UTY: variants seen among roughly 807,000 people sequenced by gnomAD.
UTY encodes the protein ubiquitously transcribed tetratricopeptide repeat containing, Y-linked.
Under a neutral mutation model 32.5 loss-of-function variants are expected in UTY, and 12 were observed. The ratio of observed to expected loss-of-function variants is 0.37; its 90% CI spans 0.24 to 0.60. The LOEUF (loss-of-function observed/expected upper bound fraction) is 0.60, where lower values mean the gene tolerates loss of function less well. Ranked by LOEUF, UTY falls within the 20% of genes least tolerant of loss-of-function variation. UTY has a pLI of 0.69. For missense variants in UTY, 303 were observed against 299.2 expected, an observed-to-expected ratio of 1.01 and a Z score of -0.09; for synonymous variants, 131 against 103.4, an observed-to-expected ratio of 1.27 and a Z score of -1.62.
intron 17 of UTY, among the ~76,000 whole-genome samples, chrY:13,342,850 G>T: frequency 3.0e-5 from 1 of 33,759 alleles, no homozygotes; most frequent in Non-Finnish European, 7.4e-5. Context: ...GGACGTGGGC[G>T]AAAAGAGACT....
intron 27 of UTY, among the ~76,000 whole-genome samples, chrY:13,290,012 AC>A (rs2057668914): frequency 3.1e-5 from 1 of 32,707 alleles, no homozygotes; most frequent in Non-Finnish European, 7.5e-5. Context: ...AATAAAAAAA[AC>A]AATAGCTGAC....
intron 2 of UTY, among the ~76,000 whole-genome samples, chrY:13,474,384 A>G: frequency 3.0e-5 from 1 of 33,780 alleles, no homozygotes. Flanking sequence ...AAAAAATCCA[A>G]TGAAACACAA....
At chrY:13,320,712 A>T (rs2059765262) in intron 21 of UTY, among the ~76,000 whole-genome samples, 1 of 34,035 alleles carries the variant, frequency 2.9e-5, no homozygotes, top group East Asian at 7.5e-4. Context: ...ATTTGAAAGT[A>T]TTCTTAACAA....
At chrY:13,403,684 G>C (rs2069418301) in intron 6 of UTY, among the ~76,000 whole-genome samples, 1 of 33,151 alleles carries the variant, frequency 3.0e-5, no homozygotes, top group Admixed American at 2.8e-4. Context: ...ATTGACCTCA[G>C]AAAACAACAA....
At chrY:13,393,959 G>A in intron 7 of UTY, 66 bp from the exon 8 acceptor site, 1 of 241,376 alleles carries the variant, frequency 4.1e-6, no homozygotes, top group African/African-American at 7.8e-5. Context: ...ACAAAAAGTA[G>A]GGATAATATA....
intron 4 of UTY, among the ~76,000 whole-genome samples, chrY:13,426,610 G>C: frequency 3.0e-5 from 1 of 33,231 alleles, no homozygotes; most frequent in South Asian, 6.5e-4. Context: ...GCATTCAATA[G>C]AGCCCCAATA....
intron 4 of UTY, among the ~76,000 whole-genome samples, chrY:13,422,962 G>A: frequency 3.0e-5 from 1 of 33,799 alleles, no homozygotes; most frequent in Non-Finnish European, 7.4e-5. Flanking sequence ...ATAGAGAGCA[G>A]TGAATTAAAG....
chrY:13,264,555 G>A, intron 27 of UTY, among the ~76,000 whole-genome samples: 1 of 32,984 alleles, frequency 3.0e-5, no homozygotes, highest in African/African-American at 1.2e-4. Context: ...ATGTCTGTTG[G>A]CCACATATCT....
chrY:13,299,091 T>C lies in UTY; in HGVS notation c.3734A>G (p.Tyr1245Cys). 2.5e-6 allele frequency: 1 copy of C among 393,116 alleles called. No homozygotes were observed. The highest frequency in any genetic ancestry group is 3.6e-6 in the Non-Finnish European group (1 of 280,589). ...SSWWPNLEDL[Y>C]EANVPVYRFI... is the part of the protein sequence containing the mutation. ...TCTATACACAGGGACATTTGCTTCATAAAGATCTTCAAGGTTGGGCCACCA... is the reference window on the plus strand; with the variant it reads ...TCTATACACAGGGACATTTGCTTCACAAAGATCTTCAAGGTTGGGCCACCA... Residue 1245 changes from tyrosine to cysteine, a missense_variant, in exon 26 of 30, where the codon TAT becomes TGT. Tyr to Cys is a radical substitution (Grantham distance 194). Transcript: ENST00000545955.
chrY:13,306,857 T>G lies in UTY; in HGVS notation c.3277-607A>C. 2.1e-4 allele frequency among the ~76,000 whole-genome samples: 7 copies of G among 32,660 alleles called. No homozygotes were observed. The East Asian group carries it at 5.5e-3, about 26-fold the overall frequency. 87.6% of individuals were successfully genotyped at this position (32,660 alleles called of 37,273 possible). On this transcript the variant is annotated intron_variant, in intron 21 of 29. Transcript: ENST00000545955. ...GCCTCAGCCTCCCTCCAATTCTCTTTTGTAATAAAGAAAAAGCGTTGTTTT... is the reference window on the plus strand; with the variant it reads ...GCCTCAGCCTCCCTCCAATTCTCTTGTGTAATAAAGAAAAAGCGTTGTTTT...
At chrY:13,252,820 C>T (rs2054335962) in intron 28 of UTY, among the ~76,000 whole-genome samples, 1 of 34,298 alleles carries the variant, frequency 2.9e-5, no homozygotes, top group Non-Finnish European at 7.3e-5. Flanking sequence ...CTTGATTTCC[C>T]ATAAGGGATA....
chrY:13,366,077 TGGCCTCGATC>T (rs2064114534), intron 10 of UTY, among the ~76,000 whole-genome samples, 180 bp downstream of exon 10: 2 of 33,493 alleles, frequency 6.0e-5, no homozygotes, highest in Admixed American at 5.5e-4. Flanking sequence ...TTAGCCAGGA[TGGCCTCGATC>T]TCCTGACCTT....
At chrY:13,290,941 T>C (rs2057732017) in intron 27 of UTY, among the ~76,000 whole-genome samples, 1 of 29,887 alleles carries the variant, frequency 3.3e-5, no homozygotes, top group Admixed American at 3.0e-4. Context: ...AGTGCAGTGG[T>C]GCGACCTTGG....
At chrY:13,326,417 T>C in intron 18 of UTY, 67 bp from the exon 19 acceptor site, 1 of 316,139 alleles carries the variant, frequency 3.2e-6, no homozygotes, top group African/African-American at 6.9e-5. Context: ...AAAAAGAAAA[T>C]CTGAATTAAA....
chrY:13,296,672 TTCAGCTTCCCACCAAGCCCTAG>T (rs2058052327), intron 27 of UTY, among the ~76,000 whole-genome samples: 1 of 33,096 alleles, frequency 3.0e-5, no homozygotes, highest in Non-Finnish European at 7.4e-5. Context: ...CACCGTTAAG[TTCAGCTTCCCACCAAGCCCTAG>T]GGCAATGGAA....
At chrY:13,351,280 T>C in intron 17 of UTY, among the ~76,000 whole-genome samples, 1 of 33,050 alleles carries the variant, frequency 3.0e-5, no homozygotes, top group East Asian at 7.9e-4. Context: ...CCAGGGAATA[T>C]GTGCAAATAT....
intron 4 of UTY, among the ~76,000 whole-genome samples, chrY:13,415,382 C>T (rs777013228): frequency 3.0e-5 from 1 of 33,331 alleles, no homozygotes; most frequent in South Asian, 6.5e-4. Context: ...CACTGAGAAG[C>T]AATCATTTTC....
At chrY:13,315,256 CT>C (rs2059419357) in intron 21 of UTY, among the ~76,000 whole-genome samples, 1 of 34,118 alleles carries the variant, frequency 2.9e-5, no homozygotes, top group Non-Finnish European at 7.3e-5. Flanking sequence ...AGGACAAATA[CT>C]TTATGATCCC....
intron 17 of UTY, among the ~76,000 whole-genome samples, chrY:13,351,180 T>C (rs746386901): frequency 6.2e-5 from 2 of 32,290 alleles, no homozygotes; most frequent in Admixed American, 2.9e-4. Flanking sequence ...TCATGTCACA[T>C]TGTATTACAA....
Sources: allele counts gnomAD v4.1 joint callset (sites outside exome capture counted in the v4.1 genomes callset), GRCh38; gene constraint gnomAD v4.1.1; transcripts MANE v1.5; gene names NCBI Gene and HGNC (gene_info 2026-07-23, HGNC 2026-07-21).